The following RHOU variants were observed in gnomAD, a reference collection of about 807,000 sequenced individuals.
RHOU encodes ras homolog family member U.
A neutral mutation model predicts 12.6 loss-of-function variants in RHOU; 8 were observed. The observed-to-expected ratio is 0.64, with a 90% CI of 0.37 to 1.15. The LOEUF (loss-of-function observed/expected upper bound fraction) is 1.15. Among genes scored for constraint, RHOU ranks in the 50% most tolerant of loss-of-function variants. The pLI is 0.01. For missense variants in RHOU, 258 were observed against 347.0 expected (o/e 0.74, Z 2.04); for synonymous variants, 161 against 147.4 (o/e 1.09, Z -0.67).
the RHOU span, among the ~76,000 whole-genome samples, chr1:228,694,557 G>A: frequency 6.6e-6 from 1 of 152,104 alleles, no homozygotes; most frequent in Non-Finnish European, 1.5e-5. Context: ...CCACTTATAA[G>A]TAAGAACATG....
chr1:228,724,190 A>C, the RHOU span, among the ~76,000 whole-genome samples: 1 of 152,184 alleles, frequency 6.6e-6, no homozygotes, highest in Non-Finnish European at 1.5e-5. Flanking sequence ...GTGGGTGCTT[A>C]ATAAATATTT....
rs1301262386 is a variant in RHOU at position 228,745,935 on chromosome 1, T to C, written c.*2195T>C. The C allele has an allele frequency of 6.6e-6, 1 of 152,260 alleles. No homozygotes were observed. The highest frequency in any genetic ancestry group is 1.5e-5 in the Non-Finnish European group (1 of 68,054). The allele number at this position is 152,260 out of a possible 1,614,324, so 9.4% of individuals were successfully genotyped here. A position where few individuals can be genotyped will look rare whatever the true frequency, so the allele number is the denominator to read the frequency against. ...CGTGTGACAGTGTATGGGGCTGCAG[T>C]TGGTCTCCCTGGAGGGGACTTCCAC... On this transcript the variant is annotated 3_prime_UTR_variant, in exon 3 of 3. Coordinates refer to ENST00000366691, the MANE Select transcript of RHOU (RefSeq NM_021205.6).
the RHOU span, among the ~76,000 whole-genome samples, chr1:228,709,968 T>C: frequency 1.3e-5 from 2 of 152,078 alleles, no homozygotes; most frequent in African/African-American, 4.8e-5. Flanking sequence ...TAAAAAATGA[T>C]AAAGGGGATA....
At chr1:228,649,104 A>G in the RHOU span, among the ~76,000 whole-genome samples, 1 of 152,160 alleles carries the variant, frequency 6.6e-6, no homozygotes, top group African/African-American at 2.4e-5. Flanking sequence ...ACCTCGGGTG[A>G]TCTGCCTGCC....
At chr1:228,658,769 G>A in the RHOU span, among the ~76,000 whole-genome samples, 2,337 of 152,244 alleles carry the variant, frequency 0.015, 62 homozygotes, top group African/African-American at 0.052. Flanking sequence ...GTCAAGTCCT[G>A]CAGTTGGCCC....
the RHOU span, among the ~76,000 whole-genome samples, chr1:228,654,114 ATT>A: frequency 6.8e-6 from 1 of 146,630 alleles, no homozygotes; most frequent in African/African-American, 2.5e-5. Context: ...AAACTAGCTG[ATT>A]TTTTTTTTTT....
chr1:228,646,970 A>G, the RHOU span, among the ~76,000 whole-genome samples: 1 of 152,086 alleles, frequency 6.6e-6, no homozygotes, highest in Non-Finnish European at 1.5e-5. Context: ...GAAAGGGAGA[A>G]GTACAGAGGT....
At position 228,736,142 on chromosome 1, in the gene RHOU, TGAG is replaced by T. The variant is rs1662605710; in HGVS notation, c.262+142_262+144del. ...GGCTCCAGCTGGGAAGCCGGACAAA[TGAG>T]GAGTGCAGGACGTTTCCTGAGTCTC... On this transcript the variant is annotated intron_variant, in intron 1 of 2. Coordinates refer to ENST00000366691, the MANE Select transcript of RHOU (RefSeq NM_021205.6). 11 of 830,040 alleles carry T rather than the reference TGAG, an allele frequency of 1.3e-5. No individual in the cohort carries two copies. The East Asian group carries it at 3.6e-4, about 27-fold the overall frequency. The allele number at this position is 830,040 out of a possible 1,614,324, so 51.4% of individuals were successfully genotyped here.
the RHOU span, among the ~76,000 whole-genome samples, chr1:228,707,467 G>A: frequency 1.3e-5 from 2 of 151,214 alleles, no homozygotes; most frequent in South Asian, 2.1e-4. Flanking sequence ...ATCTGAGAAC[G>A]GGCAGACTGC....
chr1:228,714,281 T>C, the RHOU span, among the ~76,000 whole-genome samples: 2 of 152,272 alleles, frequency 1.3e-5, no homozygotes, highest in South Asian at 2.1e-4. Context: ...ATAATATTGG[T>C]TTGTAATTTT....
the RHOU span, among the ~76,000 whole-genome samples, chr1:228,694,191 T>C: frequency 6.6e-6 from 1 of 152,246 alleles, no homozygotes; most frequent in Non-Finnish European, 1.5e-5. Flanking sequence ...TTTTCAGCAA[T>C]TGGAGTGGAT....
Position 228,737,340 on chromosome 1 carries a change from A to C in RHOU, c.263-333A>C, listed in dbSNP as rs1044728307. On this transcript the variant is annotated intron_variant, in intron 1 of 2. Coordinates refer to ENST00000366691, the MANE Select transcript of RHOU (RefSeq NM_021205.6). The surrounding 1 kb of genome is among the most constrained non-coding windows in gnomAD (Gnocchi z 4.1). ...GCAGGGTTGCTTCCCATTTACCCCC[A>C]GTGTTGTTTTTAGGTCCTTTGAAAC... is the stretch of plus-strand genomic sequence containing the variant. 1.3e-5 allele frequency among the ~76,000 whole-genome samples: 2 copies of C among 152,154 alleles called. No homozygotes were observed. The highest frequency in any genetic ancestry group is 6.5e-5 in the Admixed American group (1 of 15,282).
chr1:228,655,438 T>C, the RHOU span, among the ~76,000 whole-genome samples: 1 of 152,170 alleles, frequency 6.6e-6, no homozygotes, highest in Admixed American at 6.6e-5. Flanking sequence ...AAAAACTTTG[T>C]GCCCATGGCT....
At chr1:228,701,261 A>T in the RHOU span, among the ~76,000 whole-genome samples, 1 of 152,216 alleles carries the variant, frequency 6.6e-6, no homozygotes, top group Non-Finnish European at 1.5e-5. Flanking sequence ...ATTTAATCAA[A>T]GTATGACCAC....
the RHOU span, among the ~76,000 whole-genome samples, chr1:228,676,684 C>A: frequency 1.3e-5 from 2 of 152,046 alleles, no homozygotes; most frequent in South Asian, 4.1e-4. Flanking sequence ...GTGGGATTAT[C>A]ATTAGTTCTT....
chr1:228,721,599 G>A, the RHOU span, among the ~76,000 whole-genome samples: 5 of 152,146 alleles, frequency 3.3e-5, no homozygotes, highest in African/African-American at 4.8e-5. Context: ...AAAGAAAACC[G>A]GACTGTTTGG....
the RHOU span, among the ~76,000 whole-genome samples, chr1:228,666,961 G>T: frequency 6.6e-6 from 1 of 152,218 alleles, no homozygotes; most frequent in Non-Finnish European, 1.5e-5. Flanking sequence ...TACCTTTCTT[G>T]TGCCTCATCT....
At chr1:228,723,668 A>G in the RHOU span, among the ~76,000 whole-genome samples, 2 of 152,212 alleles carry the variant, frequency 1.3e-5, no homozygotes, top group Non-Finnish European at 2.9e-5. Flanking sequence ...GGGCCTTTAC[A>G]AAAAAGGTCT....
At chr1:228,647,550 G>A in the RHOU span, among the ~76,000 whole-genome samples, 2 of 152,360 alleles carry the variant, frequency 1.3e-5, no homozygotes, top group East Asian at 1.9e-4. Context: ...TGGCGTCTGT[G>A]GTACCCGCTG....
Sources: allele counts gnomAD v4.1 joint callset (sites outside exome capture counted in the v4.1 genomes callset), GRCh38; gene constraint gnomAD v4.1.1; non-coding constraint Gnocchi (gnomAD v3.1); transcripts MANE v1.5; gene names NCBI Gene and HGNC (gene_info 2026-07-23, HGNC 2026-07-21).